Variants in DAB1 observed in about 807,000 individuals in gnomAD.
The protein encoded by DAB1 is DAB adaptor protein 1, also known as disabled homolog 1.
Under a neutral mutation model 64.6 loss-of-function variants are expected in DAB1, and 15 were observed. The observed-to-expected ratio is 0.23, with a 90% CI of 0.16 to 0.36. DAB1 has a LOEUF of 0.36. Among genes scored for constraint, DAB1 ranks in the 10% least tolerant of loss-of-function variants. The pLI is 1.00. For missense variants in DAB1, 596 were observed against 706.7 expected, an observed-to-expected ratio of 0.84 and a Z score of 1.78; for synonymous variants, 235 against 251.9, an observed-to-expected ratio of 0.93 and a Z score of 0.64.
chr1:58,224,688 C>T (rs796231886), intron 4 of DAB1, among the ~76,000 whole-genome samples: 78 of 152,232 alleles, frequency 5.1e-4, no homozygotes, highest in African/African-American at 1.8e-3. Context: ...TGTTAATCCC[C>T]ATTTAGTAGA....
At chr1:57,800,889 TA>T (rs1651093682) in intron 6 of DAB1, among the ~76,000 whole-genome samples, 1 of 152,194 alleles carries the variant, frequency 6.6e-6, no homozygotes, top group South Asian at 2.1e-4. Flanking sequence ...TTAGGAATTT[TA>T]AAAATTTTAT....
intron 3 of DAB1, chr1:58,468,875 G>T (rs552727537): frequency 9.4e-6 from 2 of 213,394 alleles, no homozygotes; most frequent in East Asian, 3.6e-4. Context: ...TGTCAGTCAT[G>T]CATGCCACAG....
intron 2 of DAB1, among the ~76,000 whole-genome samples, chr1:57,237,740 T>C (rs138214725): frequency 0.015 from 2,338 of 152,308 alleles, 33 homozygotes; most frequent in Non-Finnish European, 0.025. Context: ...TCAGAGAGAT[T>C]ACTCAAATTG....
At chr1:57,163,524 G>C (rs1016789735) in intron 2 of DAB1, among the ~76,000 whole-genome samples, 2 of 152,022 alleles carry the variant, frequency 1.3e-5, no homozygotes, top group African/African-American at 4.8e-5. Context: ...GCAAGGTAAG[G>C]AGGGCAGGTT....
intron 1 of DAB1, among the ~76,000 whole-genome samples, chr1:57,322,791 A>G (rs868640273): frequency 7.2e-5 from 11 of 152,308 alleles, no homozygotes; most frequent in Admixed American, 2.0e-4. Context: ...AGCACTTAGA[A>G]AATGCTAACC....
At chr1:57,198,251 G>A (rs904634874) in intron 2 of DAB1, among the ~76,000 whole-genome samples, 1 of 151,506 alleles carries the variant, frequency 6.6e-6, no homozygotes, top group Non-Finnish European at 1.5e-5. Flanking sequence ...TGTACATTTA[G>A]AAATCACCCA....
intron 5 of DAB1, among the ~76,000 whole-genome samples, chr1:58,004,923 T>C (rs946644970): frequency 3.3e-5 from 5 of 152,160 alleles, no homozygotes; most frequent in Non-Finnish European, 7.4e-5. Flanking sequence ...TTTTCTCTAA[T>C]ACAGTTACAC....
chr1:57,494,705 T>G (rs1268341542), intron 7 of DAB1, among the ~76,000 whole-genome samples: 2 of 152,150 alleles, frequency 1.3e-5, no homozygotes, highest in Admixed American at 6.5e-5. Flanking sequence ...CCAGAGAAAT[T>G]CATTACTGCC....
At chr1:57,829,341 G>C (rs1183163771) in intron 1 of DAB1, among the ~76,000 whole-genome samples, 1 of 152,166 alleles carries the variant, frequency 6.6e-6, no homozygotes, top group African/African-American at 2.4e-5. Flanking sequence ...TGTGGTTTTG[G>C]AGCCTCAGAG....
chr1:57,289,787 T>C (rs1672619515), intron 2 of DAB1, among the ~76,000 whole-genome samples: 1 of 152,170 alleles, frequency 6.6e-6, no homozygotes, highest in Non-Finnish European at 1.5e-5. Flanking sequence ...GAGAGAGCTC[T>C]GTCAATCCTC....
chr1:57,399,803 T>G (rs574095728), intron 1 of DAB1, among the ~76,000 whole-genome samples: 63 of 152,228 alleles, frequency 4.1e-4, no homozygotes, highest in African/African-American at 1.4e-3. Flanking sequence ...GAGAGAAAAA[T>G]CATATGCATC....
At chr1:58,005,780 T>C (rs1052073900) in intron 5 of DAB1, among the ~76,000 whole-genome samples, 3 of 152,126 alleles carry the variant, frequency 2.0e-5, no homozygotes, top group East Asian at 1.9e-4. Flanking sequence ...ATAGCTCCCA[T>C]TGTTTAAAAA....
At chr1:57,138,596 G>A (rs12408256) in intron 3 of DAB1, among the ~76,000 whole-genome samples, 1,624 of 152,098 alleles carry the variant, frequency 0.011, 30 homozygotes, top group East Asian at 0.056. Context: ...ATCCCTCCCC[G>A]CATTCAATGG....
chr1:57,499,136 C>A (rs557149414), intron 7 of DAB1, among the ~76,000 whole-genome samples: 11 of 152,196 alleles, frequency 7.2e-5, no homozygotes, highest in African/African-American at 2.6e-4. Context: ...CCACCACGCC[C>A]GGCTAATTTT....
At chr1:57,966,236 T>C (rs2100291491) in intron 5 of DAB1, among the ~76,000 whole-genome samples, 1 of 152,284 alleles carries the variant, frequency 6.6e-6, no homozygotes, top group East Asian at 1.9e-4. Context: ...TGGTTAAAAA[T>C]TCTTGGCAGC....
chr1:57,638,713 A>C (rs1276266853), intron 7 of DAB1, among the ~76,000 whole-genome samples: 2 of 152,180 alleles, frequency 1.3e-5, no homozygotes, highest in Non-Finnish European at 2.9e-5. Flanking sequence ...GGGCTTGAAG[A>C]ATACGTAGTT....
intron 4 of DAB1, among the ~76,000 whole-genome samples, chr1:57,123,866 C>T (rs1048056723): frequency 1.3e-5 from 2 of 152,008 alleles, no homozygotes; most frequent in Non-Finnish European, 2.9e-5. Context: ...GTGATATATA[C>T]ACAAAAAAAT....
intron 5 of DAB1, among the ~76,000 whole-genome samples, chr1:57,965,938 CGGG>C (rs138067877): frequency 6.6e-6 from 1 of 150,904 alleles, no homozygotes; most frequent in Admixed American, 6.6e-5. Context: ...CTTTAAATGG[CGGG>C]GGGGGAGAGG....
In DAB1 at chr1:57,546,066, A is replaced by AGTGTGT. The variant is rs61208960; in HGVS notation, n.625+103520_625+103525dup. On this transcript the variant is annotated intron_variant and non_coding_transcript_variant, in intron 7 of 20. Coordinates refer to the DAB1 transcript ENST00000485760. ...TAAAGCTAAGAGCTGAGCAGAGGGG[A>AGTGTGT]GTGTGTGTGTGTGTGTGTGTGTGTG... Among the ~76,000 whole-genome samples the AGTGTGT allele has an allele frequency of 1.9e-3, 279 of 147,476 alleles. 1 individual carries two copies. The highest frequency in any genetic ancestry group is 6.9e-3 in the African/African-American group (274 of 39,474).
Sources: gnomAD v4.1 joint callset for allele counts (sites outside exome capture counted in the v4.1 genomes callset) on GRCh38, gnomAD v4.1.1 for gene constraint, MANE v1.5 for transcripts, NCBI Gene and HGNC (gene_info 2026-07-23, HGNC 2026-07-21) for gene names.